PYHIN1: variants seen among roughly 807,000 people sequenced by gnomAD.
PYHIN1 encodes the protein pyrin and HIN domain-containing protein 1.
PYHIN1 carries 32 observed loss-of-function variants against 43.7 expected under a neutral mutation model. The observed-to-expected ratio is 0.73, with a 90% confidence interval of 0.55 to 0.98. The LOEUF (loss-of-function observed/expected upper bound fraction) is 0.98. Ranked by LOEUF, PYHIN1 falls within the 50% of genes least tolerant of loss-of-function variation. The pLI is 0.00. For missense variants in PYHIN1, 588 were observed against 589.5 expected (o/e 1.00, Z 0.03); for synonymous variants, 205 against 203.1 (o/e 1.01, Z -0.08).
intron 2 of PYHIN1, 132 bp from the exon 3 acceptor site, chr1:158,938,265 T>TA: frequency 1.1e-6 from 1 of 933,822 alleles, no homozygotes; most frequent in South Asian, 1.6e-5. Context: ...CAGACTAGGC[T>TA]AATGCAATAG....
intron 7 of PYHIN1, among the ~76,000 whole-genome samples, chr1:158,953,390 G>C (rs141038384): frequency 0.067 from 10,125 of 150,608 alleles, 423 homozygotes; most frequent in Admixed American, 0.11. Flanking sequence ...CTCCCAGCAC[G>C]CAGCTGGAGA....
At chr1:158,934,434 C>T (rs1034713705) in intron 1 of PYHIN1, among the ~76,000 whole-genome samples, 1 of 152,012 alleles carries the variant, frequency 6.6e-6, no homozygotes, top group African/African-American at 2.4e-5. Flanking sequence ...CCATTCTCCT[C>T]TTTCAAGTAG....
intron 4 of PYHIN1, chr1:158,939,763 T>A (rs564905952): frequency 1.9e-6 from 1 of 535,614 alleles, no homozygotes; most frequent in African/African-American, 1.9e-5. Flanking sequence ...TCCTAGGAAC[T>A]TCTTTCTTTT....
downstream of PYHIN1, among the ~76,000 whole-genome samples, chr1:158,980,747 G>A (rs1102015): frequency 0.88 from 133,341 of 152,134 alleles, 59,938 homozygotes; most frequent in Middle Eastern, 0.98. Flanking sequence ...GAACATAGAC[G>A]CTTATCAGTG....
At chr1:158,972,129 A>G (rs1384999102) in intron 7 of PYHIN1, among the ~76,000 whole-genome samples, 1 of 151,950 alleles carries the variant, frequency 6.6e-6, no homozygotes, top group African/African-American at 2.4e-5. Context: ...ACCCAAACAT[A>G]TGACTCCAAT....
intron 7 of PYHIN1, among the ~76,000 whole-genome samples, chr1:158,956,430 G>C (rs1227153691): frequency 6.6e-6 from 1 of 151,968 alleles, no homozygotes; most frequent in Admixed American, 6.6e-5. Context: ...TCATCCCTGG[G>C]ATGCAAGGCT....
At chr1:158,942,902 C>T (rs1170860692) in intron 5 of PYHIN1, among the ~76,000 whole-genome samples, 1 of 151,976 alleles carries the variant, frequency 6.6e-6, no homozygotes, top group South Asian at 2.1e-4. Context: ...ATGTTCTGAC[C>T]AAATGAAATG....
chr1:158,967,401 T>C (rs2101723782), intron 7 of PYHIN1, among the ~76,000 whole-genome samples: 1 of 151,762 alleles, frequency 6.6e-6, no homozygotes, highest in East Asian at 1.9e-4. Flanking sequence ...AGGAGGTAGT[T>C]ATTAACAATA....
At chr1:158,943,696 C>G (rs1236798770) in intron 5 of PYHIN1, 94 bp from the exon 6 acceptor site, 6 of 856,244 alleles carry the variant, frequency 7.0e-6, no homozygotes, top group African/African-American at 1.7e-5. Flanking sequence ...GAGTTGCTGT[C>G]TTGCATCTTG....
intron 1 of PYHIN1, among the ~76,000 whole-genome samples, chr1:158,936,374 A>G (rs1174492002): frequency 1.3e-5 from 2 of 151,730 alleles, no homozygotes; most frequent in Non-Finnish European, 2.9e-5. Flanking sequence ...TCATCCTGAT[A>G]CCAAAGCTTG....
At chr1:158,935,295 T>TAA (rs74959752) in intron 1 of PYHIN1, among the ~76,000 whole-genome samples, 108 of 126,934 alleles carry the variant, frequency 8.5e-4, no homozygotes, top group African/African-American at 3.0e-3. Flanking sequence ...TGCCAGAGGT[T>TAA]AAAAAAAAAA....
intron 7 of PYHIN1, among the ~76,000 whole-genome samples, chr1:158,968,723 A>G (rs1374412276): frequency 1.3e-5 from 2 of 152,180 alleles, no homozygotes; most frequent in Admixed American, 1.3e-4. Context: ...GACTGGATAA[A>G]GAAAGTGTGG....
Position 158,937,122 on chromosome 1 carries a change from A to G in PYHIN1, c.212A>G (p.Glu71Gly). The G allele has an allele frequency of 1.2e-6, 2 of 1,611,910 alleles. No homozygotes were observed. The highest frequency in any genetic ancestry group is 1.7e-6 in the Non-Finnish European group (2 of 1,179,320). ...GGCAAACTAATAGAATTCTTCAAAG[A>G]AATACCAACACTGGGAGACCTTGCT... The part of the protein sequence containing the change: ...GLGKLIEFFK[E>G]IPTLGDLAET... The change falls in exon 2 of 9, where the codon GAA becomes GGA. Residue 71 changes from glutamate (E) to glycine (G), a missense_variant. Physicochemically the swap from Glu to Gly is moderately conservative, Grantham distance 98. Transcript: ENST00000368140.
intron 4 of PYHIN1, chr1:158,940,187 C>G (rs1426664714): frequency 6.6e-6 from 1 of 150,586 alleles, no homozygotes; most frequent in African/African-American, 2.5e-5. Flanking sequence ...GATCGCACCA[C>G]TGCACTCCAG....
At chr1:158,966,095 C>A (rs1650617133) in intron 7 of PYHIN1, among the ~76,000 whole-genome samples, 1 of 152,164 alleles carries the variant, frequency 6.6e-6, no homozygotes, top group Admixed American at 6.5e-5. Context: ...CTACTATAAT[C>A]ACCTCTATGC....
At chr1:158,939,846 G>A in intron 4 of PYHIN1, 1 of 302,734 alleles carries the variant, frequency 3.3e-6, no homozygotes, top group Non-Finnish European at 6.1e-6. Context: ...CAAGATTAGG[G>A]CTAGTTTGTA....
downstream of PYHIN1, among the ~76,000 whole-genome samples, chr1:158,981,154 C>T (rs529143924): frequency 6.6e-6 from 1 of 152,252 alleles, no homozygotes; most frequent in South Asian, 2.1e-4. Context: ...ATCTAAACCA[C>T]TGTTAATGGC....
chr1:158,970,346 C>T (rs764627079), intron 7 of PYHIN1, among the ~76,000 whole-genome samples: 47 of 151,826 alleles, frequency 3.1e-4, no homozygotes, highest in African/African-American at 9.2e-4. Context: ...GGTTAAATTG[C>T]GCAGTGGTGA....
chr1:158,952,519 G>A (rs943077656), intron 7 of PYHIN1, among the ~76,000 whole-genome samples: 1 of 152,092 alleles, frequency 6.6e-6, no homozygotes, highest in African/African-American at 2.4e-5. Flanking sequence ...ATTGGAGGAG[G>A]GAGCTCAGGC....
Sources: allele counts gnomAD v4.1 joint callset (sites outside exome capture counted in the v4.1 genomes callset), GRCh38; gene constraint gnomAD v4.1.1; transcripts MANE v1.5; gene names NCBI Gene and HGNC (gene_info 2026-07-23, HGNC 2026-07-21).